The following BIN3 variants were observed in gnomAD, a reference collection of about 807,000 sequenced individuals.
BIN3 encodes the protein bridging integrator 3.
In BIN3, 41 loss-of-function variants were observed where a neutral mutation model predicts 38.2. The observed-to-expected ratio is 1.07, with a 90% CI of 0.84 to 1.39. The LOEUF is 1.39. Among genes scored for constraint, BIN3 ranks in the 40% most tolerant of loss-of-function variants. The pLI is 0.00. For missense variants in BIN3, 361 were observed against 324.3 expected, an observed-to-expected ratio of 1.11 and a Z score of -0.87; for synonymous variants, 145 against 122.6, an observed-to-expected ratio of 1.18 and a Z score of -1.21.
At position 22,636,967 on chromosome 8, in the gene BIN3, A is replaced by G; in HGVS notation, c.58-5T>C. 1 of 1,612,172 alleles carries G rather than the reference A, an allele frequency of 6.2e-7. No individual in the cohort carries two copies. Among genetic ancestry groups the G allele is most frequent in the Non-Finnish European group, 8.5e-7 (1 of 1,178,326 alleles). On this transcript the variant is annotated splice_region_variant and splice_polypyrimidine_tract_variant and intron_variant, in intron 2 of 8. Coordinates refer to ENST00000276416, the MANE Select transcript of BIN3 (RefSeq NM_018688.6). ...CCTTTCAAAGTCTCTCTCCACCTGA[A>G]ACGAGAGAGATAACTCAATTATCGG...
chr8:22,636,388 C>T (rs890417068), intron 4 of BIN3, 137 bp downstream of exon 4: 4 of 851,652 alleles, frequency 4.7e-6, no homozygotes, highest in Admixed American at 4.4e-5. Flanking sequence ...AGTGACTGCC[C>T]TGAGGCTGCT....
chr8:22,624,387 T>C (rs761971660), intron 6 of BIN3, 24 bp from the exon 7 acceptor site: 5 of 1,606,512 alleles, frequency 3.1e-6, no homozygotes, highest in Middle Eastern at 1.7e-4. Flanking sequence ...TGGCTGGAGA[T>C]GGGCCCGTTC....
At chr8:22,640,963 C>T (rs1802535162) in intron 2 of BIN3, among the ~76,000 whole-genome samples, 1 of 152,172 alleles carries the variant, frequency 6.6e-6, no homozygotes, top group South Asian at 2.1e-4. Flanking sequence ...CCCCTGCTTC[C>T]AGCGGCCGGG....
chr8:22,629,745 G>A (rs1802123833), intron 6 of BIN3: 2 of 587,620 alleles, frequency 3.4e-6, no homozygotes, highest in South Asian at 4.2e-5. Context: ...GTGGTGGCAG[G>A]GGTACCCTGA....
At chr8:22,627,988 A>C (rs1269522408) in intron 6 of BIN3, among the ~76,000 whole-genome samples, 1 of 152,236 alleles carries the variant, frequency 6.6e-6, no homozygotes, top group East Asian at 1.9e-4. Flanking sequence ...ACCCATGATC[A>C]CTGCCCAATT....
chr8:22,633,116 G>A (rs1802259725), intron 4 of BIN3, among the ~76,000 whole-genome samples: 2 of 152,172 alleles, frequency 1.3e-5, no homozygotes, highest in Middle Eastern at 3.2e-3. Context: ...TGGAATCCCC[G>A]CCCAGTGATG....
chr8:22,642,506 C>T (rs1019066536), intron 2 of BIN3, among the ~76,000 whole-genome samples: 4 of 152,192 alleles, frequency 2.6e-5, no homozygotes, highest in African/African-American at 7.2e-5. Context: ...ACTTTTGTTG[C>T]GTTGGGAAAT....
At chr8:22,659,306 T>C (rs959771515) in intron 1 of BIN3, among the ~76,000 whole-genome samples, 3 of 152,178 alleles carry the variant, frequency 2.0e-5, no homozygotes, top group Non-Finnish European at 4.4e-5. Flanking sequence ...CTAAATTAGC[T>C]TGATCCAAAA....
intron 1 of BIN3, among the ~76,000 whole-genome samples, chr8:22,659,055 G>A (rs907518400): frequency 1.3e-5 from 2 of 152,258 alleles, no homozygotes; most frequent in African/African-American, 4.8e-5. Flanking sequence ...AACGGTGGGA[G>A]AGAAACAACA....
rs991083358 is a variant in BIN3, at chr8:22,652,100, C to T, written c.9-7297G>A. Among the ~76,000 whole-genome samples the T allele has an allele frequency of 2.6e-5, 4 of 151,466 alleles. No individual in the cohort carries two copies. In the East Asian group the frequency reaches 7.8e-4, roughly 29 times the overall value. On this transcript the variant is annotated intron_variant, in intron 1 of 8. Coordinates refer to ENST00000276416, the MANE Select transcript of BIN3 (RefSeq NM_018688.6). ...TATTTTTATTTCATGGATGCCTTAT[C>T]TCTCTGAGGATCTTAACAACAGCTT...
At chr8:22,656,642 C>T (rs1803066194) in intron 1 of BIN3, among the ~76,000 whole-genome samples, 2 of 152,048 alleles carry the variant, frequency 1.3e-5, no homozygotes, top group South Asian at 2.1e-4. Flanking sequence ...ACATCTGATC[C>T]CTCACTATCA....
chr8:22,636,372 G>T (rs1201413341), intron 4 of BIN3, among the ~76,000 whole-genome samples, 153 bp downstream of exon 4: 9 of 152,210 alleles, frequency 5.9e-5, no homozygotes, highest in Non-Finnish European at 1.3e-4. Context: ...GATGTGACTG[G>T]TGAGGAGTGA....
At chr8:22,625,383 G>A (rs1801972300) in intron 6 of BIN3, 2 of 702,512 alleles carry the variant, frequency 2.8e-6, no homozygotes, top group Non-Finnish European at 5.2e-6. Flanking sequence ...CCATTCGGAG[G>A]TGACCCAGGA....
intron 1 of BIN3, among the ~76,000 whole-genome samples, chr8:22,647,965 A>C (rs1466163771): frequency 2.3e-5 from 3 of 132,896 alleles, no homozygotes; most frequent in African/African-American, 7.9e-5. Context: ...TCTCTACTAT[A>C]AAAAATACAA....
intron 1 of BIN3, among the ~76,000 whole-genome samples, 169 bp downstream of exon 1, chr8:22,668,875 A>T (rs1286660441): frequency 6.6e-6 from 1 of 152,022 alleles, no homozygotes; most frequent in Non-Finnish European, 1.5e-5. Flanking sequence ...AGAGACTGCG[A>T]CTCCGGAAAG....
intron 1 of BIN3, among the ~76,000 whole-genome samples, chr8:22,645,144 G>A (rs948402586): frequency 5.4e-5 from 8 of 148,130 alleles, no homozygotes; most frequent in Non-Finnish European, 8.9e-5. Context: ...TAGCCTAAGC[G>A]ACAGAGCAAG....
chr8:22,636,918 T>A lies in BIN3; in HGVS notation c.98+4A>T, dbSNP rs943283123. 1.2e-5 allele frequency: 20 copies of A among 1,612,118 alleles called. No homozygotes were observed. The highest frequency in any genetic ancestry group is 1.6e-5 in the Non-Finnish European group (19 of 1,178,400). On this transcript the variant is annotated splice_donor_region_variant and intron_variant, in intron 3 of 8. Transcript: ENST00000276416. ...CACCTCATCTTTCTGGGGTTGACAC[T>A]CACTGCTGAAGTTTTCCATACTCCC... is the stretch of plus-strand genomic sequence containing the variant.
intron 1 of BIN3, among the ~76,000 whole-genome samples, chr8:22,652,739 T>C (rs1802943227): frequency 6.6e-6 from 1 of 152,208 alleles, no homozygotes; most frequent in East Asian, 1.9e-4. Flanking sequence ...GCAAAACAAA[T>C]GCGAAGTTTT....
chr8:22,663,386 G>C (rs1803301368), intron 1 of BIN3, among the ~76,000 whole-genome samples: 1 of 144,866 alleles, frequency 6.9e-6, no homozygotes, highest in South Asian at 2.2e-4. Context: ...GTGGTGAGCT[G>C]TAATTGCACT....
Sources: allele counts gnomAD v4.1 joint callset (sites outside exome capture counted in the v4.1 genomes callset), GRCh38; gene constraint gnomAD v4.1.1; transcripts MANE v1.5; gene names NCBI Gene and HGNC (gene_info 2026-07-23, HGNC 2026-07-21).